The following ASTN2 variants were observed in gnomAD, a reference collection of about 807,000 sequenced individuals.
ASTN2 encodes the protein astrotactin 2, also known as astrotactin-2.
Under a neutral mutation model 139.8 loss-of-function variants are expected in ASTN2, and 54 were observed. The observed-to-expected ratio is 0.39, with a 90% CI of 0.31 to 0.48. The LOEUF is 0.48. ASTN2 is among the 20% of genes least tolerant of loss of function. The pLI, the probability that ASTN2 is intolerant of heterozygous loss-of-function variation, is 0.95. For synonymous variants in ASTN2, 756 were observed against 719.5 expected (o/e 1.05, Z -0.81); for missense variants, 1,565 against 1,725.1 (o/e 0.91, Z 1.64).
chr9:116,553,125 T>C (rs1477087214), intron 19 of ASTN2, among the ~76,000 whole-genome samples: 3 of 152,020 alleles, frequency 2.0e-5, no homozygotes, highest in Non-Finnish European at 4.4e-5. Flanking sequence ...AGTTCCCCCT[T>C]CCTCCTCTTT....
At chr9:116,987,754 C>T (rs4382545) in intron 7 of ASTN2, among the ~76,000 whole-genome samples, 149,341 of 152,324 alleles carry the variant, frequency 0.98, 73,277 homozygotes, top group East Asian at 1. Flanking sequence ...TAAATAAAAA[C>T]AAAATAGAAC....
chr9:116,648,005 C>CTT (rs71377260), intron 17 of ASTN2, among the ~76,000 whole-genome samples: 18,160 of 140,954 alleles, frequency 0.13, 1,556 homozygotes, highest in Non-Finnish European at 0.2. Flanking sequence ...TTTTTCTTTT[C>CTT]TTTTTTTTTT....
At chr9:117,151,994 TG>T (rs1232115817) in intron 3 of ASTN2, among the ~76,000 whole-genome samples, 1 of 151,958 alleles carries the variant, frequency 6.6e-6, no homozygotes, top group Admixed American at 6.6e-5. Flanking sequence ...GACTTGGGCT[TG>T]AGCCTTCATT....
chr9:116,713,313 A>C (rs901016609), intron 16 of ASTN2, among the ~76,000 whole-genome samples: 1 of 152,086 alleles, frequency 6.6e-6, no homozygotes, highest in East Asian at 1.9e-4. Context: ...AGCAAGGAAG[A>C]CCCTAAAGAC....
At chr9:117,203,135 A>G (rs931062203) in intron 3 of ASTN2, among the ~76,000 whole-genome samples, 21 of 151,782 alleles carry the variant, frequency 1.4e-4, no homozygotes, top group African/African-American at 5.1e-4. Flanking sequence ...TTGGCTGTTG[A>G]TACTTGTGTA....
chr9:116,878,124 T>A (rs115768067), intron 10 of ASTN2, among the ~76,000 whole-genome samples: 3,395 of 152,296 alleles, frequency 0.022, 117 homozygotes, highest in African/African-American at 0.077. Flanking sequence ...TGTAAATTAG[T>A]TCATCCATTG....
intron 20 of ASTN2, among the ~76,000 whole-genome samples, chr9:116,479,535 A>G (rs1849099199): frequency 6.6e-6 from 1 of 152,132 alleles, no homozygotes; most frequent in South Asian, 2.1e-4. Flanking sequence ...GCTGAGACAC[A>G]TGGGAGTCTG....
At chr9:116,523,082 C>A (rs995190254) in intron 19 of ASTN2, among the ~76,000 whole-genome samples, 3 of 152,042 alleles carry the variant, frequency 2.0e-5, no homozygotes, top group African/African-American at 7.2e-5. Context: ...GTCAAAACAA[C>A]TATTATAATG....
intron 13 of ASTN2, among the ~76,000 whole-genome samples, chr9:116,769,871 C>T (rs757285611): frequency 1.3e-5 from 2 of 150,922 alleles, no homozygotes; most frequent in African/African-American, 4.9e-5. Context: ...ATAGCAAGAC[C>T]CCATCTGTAC....
In ASTN2 at chr9:117,346,010, C is replaced by CAAAAAAAA. The variant is rs35773511; in HGVS notation, c.443-54505_443-54498dup. Among the ~76,000 whole-genome samples the CAAAAAAAA allele has an allele frequency of 2.2e-4, 20 of 92,342 alleles. 2 individuals carry two copies. Among genetic ancestry groups the CAAAAAAAA allele is most frequent in the African/African-American group, 4.2e-4 (11 of 26,276 alleles). The allele number at this position is 92,342 out of a possible 152,430, so 60.6% of individuals were successfully genotyped here. A position where few individuals can be genotyped will look rare whatever the true frequency, so the allele number is the denominator to read the frequency against. On this transcript the variant is annotated intron_variant, in intron 1 of 22. Transcript: ENST00000313400. ...CATTGCCACTTAGTGAACTAAGAGG[C>CAAAAAAAA]AAAAAAAAAAAAAAAAGGAAAAGGA...
chr9:116,819,593 C>A (rs556199420), intron 12 of ASTN2, among the ~76,000 whole-genome samples: 1 of 152,114 alleles, frequency 6.6e-6, no homozygotes, highest in Admixed American at 6.5e-5. Context: ...CCACACTCAC[C>A]CCCTATTTGT....
intron 4 of ASTN2, among the ~76,000 whole-genome samples, chr9:117,113,450 G>T (rs966499247): frequency 2.6e-4 from 39 of 152,278 alleles, no homozygotes; most frequent in African/African-American, 8.4e-4. Context: ...GAGGTCAGAA[G>T]TTCAAGACCA....
In ASTN2 at chr9:116,599,879, GCTAT is replaced by G. The variant is rs569680354; in HGVS notation, c.3355+18441_3355+18444del. Among the ~76,000 whole-genome samples the G allele has an allele frequency of 5.3e-5, 8 of 152,168 alleles. No homozygotes were observed. In the South Asian group the frequency reaches 8.3e-4, roughly 16 times the overall value. Reference sequence around the variant, plus strand: ...TCTTATTTTCTCTCTTCACCCTCAGGCTATCTATTTAATGGCTGTGTTCAGACCA... The same window carrying G: ...TCTTATTTTCTCTCTTCACCCTCAGGCTATTTAATGGCTGTGTTCAGACCA... On this transcript the variant is annotated intron_variant, in intron 19 of 22. Coordinates refer to ENST00000313400, the MANE Select transcript of ASTN2 (RefSeq NM_001365068.1).
At chr9:117,244,746 AGGAG>A (rs557636353) in intron 2 of ASTN2, among the ~76,000 whole-genome samples, 168 of 105,918 alleles carry the variant, frequency 1.6e-3, no homozygotes, top group East Asian at 0.01. Flanking sequence ...GAGGGAGGGA[AGGAG>A]GGAGGGAGGG....
chr9:116,892,004 G>T (rs976658262), intron 10 of ASTN2, among the ~76,000 whole-genome samples: 3 of 152,104 alleles, frequency 2.0e-5, no homozygotes, highest in Admixed American at 6.5e-5. Flanking sequence ...CCTGCATGAG[G>T]TCCTGAATAT....
At chr9:116,572,846 A>G (rs1324893742) in intron 19 of ASTN2, among the ~76,000 whole-genome samples, 1 of 152,136 alleles carries the variant, frequency 6.6e-6, no homozygotes, top group African/African-American at 2.4e-5. Context: ...TTTCTAGGGG[A>G]TTTAACAGAA....
chr9:116,815,282 A>G lies in ASTN2; in HGVS notation c.2207+5335T>C, dbSNP rs148619984. On this transcript the variant is annotated intron_variant, in intron 12 of 22. Coordinates refer to ENST00000313400, the MANE Select transcript of ASTN2 (RefSeq NM_001365068.1). ...ACATGTTTATCTCCTTTCCCTCTTA[A>G]AATTACATAAAGAGAATATTAGACA... Among the ~76,000 whole-genome samples, 1,015 of 152,306 alleles carry G rather than the reference A, an allele frequency of 6.7e-3. 10 individuals are homozygous for G. The highest frequency in any genetic ancestry group is 0.023 in the African/African-American group (958 of 41,562).
chr9:116,740,222 A>G (rs941002997), intron 13 of ASTN2, among the ~76,000 whole-genome samples: 1 of 152,238 alleles, frequency 6.6e-6, no homozygotes, highest in African/African-American at 2.4e-5. Context: ...GCCCCATTCA[A>G]AAACCATCAT....
chr9:116,697,748 T>G lies in ASTN2; in HGVS notation c.2806+28023A>C, dbSNP rs141352486. On this transcript the variant is annotated intron_variant, in intron 16 of 22. Coordinates refer to ENST00000313400, the MANE Select transcript of ASTN2 (RefSeq NM_001365068.1). Reference sequence around the variant, plus strand: ...TACCCTTCAAAGGAAGAGCAATGGCTGCAGCAGCAGCTTCTCACCTGAACC... The same window carrying G: ...TACCCTTCAAAGGAAGAGCAATGGCGGCAGCAGCAGCTTCTCACCTGAACC... 1.4e-4 allele frequency: 230 copies of G among 1,614,036 alleles called. No homozygotes were observed. The African/African-American group carries it at 2.8e-3, about 19-fold the overall frequency.
Sources: allele counts gnomAD v4.1 joint callset (sites outside exome capture counted in the v4.1 genomes callset), GRCh38; gene constraint gnomAD v4.1.1; transcripts MANE v1.5; gene names NCBI Gene and HGNC (gene_info 2026-07-23, HGNC 2026-07-21).